Variants in ENTREP2 observed in about 807,000 individuals in gnomAD.
The protein encoded by ENTREP2 is protein ENTREP2.
the ENTREP2 span, among the ~76,000 whole-genome samples, chr15:29,203,965 G>A: frequency 6.6e-6 from 1 of 152,220 alleles, no homozygotes; most frequent in Admixed American, 6.5e-5. Context: ...TGTCTGGAAA[G>A]CATGATTTAT....
At chr15:29,479,511 C>T in the ENTREP2 span, among the ~76,000 whole-genome samples, 7 of 152,056 alleles carry the variant, frequency 4.6e-5, no homozygotes, top group African/African-American at 1.4e-4. Flanking sequence ...ATCAGTGCTC[C>T]GGAACCAGCT....
At chr15:29,136,249 T>C in the ENTREP2 span, 1 of 1,156,680 alleles carries the variant, frequency 8.6e-7, no homozygotes, top group South Asian at 1.8e-5. Flanking sequence ...CTCATGAGTG[T>C]TCACCTCACA....
At chr15:29,356,691 T>C in the ENTREP2 span, among the ~76,000 whole-genome samples, 2 of 152,106 alleles carry the variant, frequency 1.3e-5, no homozygotes, top group Non-Finnish European at 1.5e-5. Context: ...GCAAGTCCTC[T>C]GCAGAAAAAA....
the ENTREP2 span, among the ~76,000 whole-genome samples, chr15:29,260,983 C>T: frequency 1.3e-5 from 2 of 152,116 alleles, no homozygotes; most frequent in Non-Finnish European, 2.9e-5. Flanking sequence ...AAAAACAAGA[C>T]TTAACAAAAT....
At chr15:29,227,319 G>T in the ENTREP2 span, among the ~76,000 whole-genome samples, 1 of 152,218 alleles carries the variant, frequency 6.6e-6, no homozygotes, top group Non-Finnish European at 1.5e-5. Flanking sequence ...GCAAACAAAG[G>T]TGATCGGGTC....
the ENTREP2 span, among the ~76,000 whole-genome samples, chr15:29,480,965 G>A: frequency 6.6e-6 from 1 of 152,160 alleles, no homozygotes; most frequent in Non-Finnish European, 1.5e-5. Context: ...GAGGAACCCA[G>A]GGGAACTGAG....
At chr15:29,233,104 T>C in the ENTREP2 span, among the ~76,000 whole-genome samples, 1 of 152,230 alleles carries the variant, frequency 6.6e-6, no homozygotes, top group Non-Finnish European at 1.5e-5. Flanking sequence ...AATCTGTTTA[T>C]TTCATCAGGC....
At chr15:29,140,348 T>C in the ENTREP2 span, among the ~76,000 whole-genome samples, 2 of 152,214 alleles carry the variant, frequency 1.3e-5, no homozygotes, top group Non-Finnish European at 2.9e-5. Context: ...ACTCAGCCCC[T>C]GTCCACCTCC....
chr15:29,467,452 T>G, the ENTREP2 span, among the ~76,000 whole-genome samples: 1 of 152,164 alleles, frequency 6.6e-6, no homozygotes, highest in Non-Finnish European at 1.5e-5. Flanking sequence ...AATAAAGTAC[T>G]GTTCCATTTC....
At chr15:29,427,361 T>TA in the ENTREP2 span, among the ~76,000 whole-genome samples, 2 of 152,188 alleles carry the variant, frequency 1.3e-5, no homozygotes, top group Non-Finnish European at 2.9e-5. Context: ...ACCTGAGATA[T>TA]AGCCCTATCT....
chr15:29,613,940 C>A, the ENTREP2 span: 1 of 158,810 alleles, frequency 6.3e-6, no homozygotes, highest in South Asian at 1.7e-4. Context: ...CCAGGACTGC[C>A]TTCTTCCATG....
the ENTREP2 span, among the ~76,000 whole-genome samples, chr15:29,482,957 A>G: frequency 4.6e-5 from 7 of 152,362 alleles, no homozygotes. Flanking sequence ...TGTTCCCACC[A>G]ACAATGAATG....
the ENTREP2 span, among the ~76,000 whole-genome samples, chr15:29,276,474 C>G: frequency 2.0e-5 from 3 of 152,180 alleles, no homozygotes; most frequent in Admixed American, 2.0e-4. Flanking sequence ...CCTGAGTGCA[C>G]AGGATTCAGG....
chr15:29,446,086 T>C, the ENTREP2 span, among the ~76,000 whole-genome samples: 1 of 152,164 alleles, frequency 6.6e-6, no homozygotes, highest in African/African-American at 2.4e-5. Context: ...GAGAGCTAGT[T>C]CGCCCCTTCC....
At chr15:29,568,580 T>C in the ENTREP2 span, among the ~76,000 whole-genome samples, 1 of 152,206 alleles carries the variant, frequency 6.6e-6, no homozygotes, top group Non-Finnish European at 1.5e-5. Context: ...GGTACACACC[T>C]GTAGTCCTAG....
chr15:29,249,662 T>C, the ENTREP2 span, among the ~76,000 whole-genome samples: 3 of 152,186 alleles, frequency 2.0e-5, no homozygotes, highest in Admixed American at 1.3e-4. Flanking sequence ...TTTGCAATAT[T>C]CTATGAAGAA....
At chr15:29,386,820 A>G in the ENTREP2 span, among the ~76,000 whole-genome samples, 1 of 152,186 alleles carries the variant, frequency 6.6e-6, no homozygotes, top group Non-Finnish European at 1.5e-5. Flanking sequence ...GGTGTATAAA[A>G]ATGCTTGTGA....
the ENTREP2 span, among the ~76,000 whole-genome samples, chr15:29,180,714 G>A: frequency 4.0e-5 from 6 of 151,736 alleles, no homozygotes; most frequent in Admixed American, 6.6e-5. Context: ...AAAAAGTAAC[G>A]GAAAAACCCT....
chr15:29,217,016 G>T, the ENTREP2 span, among the ~76,000 whole-genome samples: 3 of 152,138 alleles, frequency 2.0e-5, no homozygotes, highest in Non-Finnish European at 4.4e-5. Flanking sequence ...GGAAGGGGGG[G>T]TCTAGTTAAA....
Sources: gnomAD v4.1 joint callset for allele counts (sites outside exome capture counted in the v4.1 genomes callset) on GRCh38, gnomAD v4.1.1 for gene constraint, MANE v1.5 for transcripts, NCBI Gene and HGNC (gene_info 2026-07-23, HGNC 2026-07-21) for gene names.